Variants in TPCN1 observed in about 807,000 individuals in gnomAD.
The protein encoded by TPCN1 is two pore segment channel 1.
TPCN1 carries 52 observed loss-of-function variants against 108.8 expected under a neutral mutation model. That is an observed-to-expected ratio of 0.48 (90% CI 0.38 to 0.60). The LOEUF is 0.60. TPCN1 is among the 20% of genes least tolerant of loss of function. The pLI, the probability that TPCN1 is intolerant of heterozygous loss-of-function variation, is 0.00. For synonymous variants in TPCN1, 446 were observed against 433.7 expected (o/e 1.03, Z -0.35); for missense variants, 806 against 1,072.8 (o/e 0.75, Z 3.47).
chr12:113,274,939 C>T (rs569254192), intron 10 of TPCN1, among the ~76,000 whole-genome samples: 1 of 152,306 alleles, frequency 6.6e-6, no homozygotes, highest in Non-Finnish European at 1.5e-5. Context: ...GTATAGAACA[C>T]GTTCTGTGAA....
intron 14 of TPCN1, 146 bp downstream of exon 14, chr12:113,278,981 T>G (rs2136682614): frequency 1.3e-6 from 1 of 752,044 alleles, no homozygotes; most frequent in African/African-American, 1.7e-5. Flanking sequence ...GACAGTGTGA[T>G]TACCCCAGCA....
intron 1 of TPCN1, among the ~76,000 whole-genome samples, chr12:113,223,597 G>A (rs1953353933): frequency 6.6e-6 from 1 of 152,198 alleles, no homozygotes; most frequent in African/African-American, 2.4e-5. Context: ...AGGCTGGAGT[G>A]TAGTGGCGTG....
chr12:113,291,045 G>T, intron 23 of TPCN1, 47 bp downstream of exon 23: 1 of 1,586,710 alleles, frequency 6.3e-7, no homozygotes, highest in Non-Finnish European at 8.6e-7. Context: ...CAGCCCTGGG[G>T]TCGGCCCTGG....
chr12:113,248,171 G>A (rs570161130), intron 2 of TPCN1, among the ~76,000 whole-genome samples: 1 of 152,172 alleles, frequency 6.6e-6, no homozygotes, highest in Non-Finnish European at 1.5e-5. Flanking sequence ...CCTCTTGCCC[G>A]AGGCCTGCCA....
chr12:113,289,968 GA>G lies in TPCN1; in HGVS notation c.1797-159del. ...TAGCCAAGGGCATTCCTTCAGCAGG[GA>G]CCCAGGCATGAGGTGGAGAGGGTTA... On this transcript the variant is annotated intron_variant, in intron 21 of 27. Coordinates refer to ENST00000335509, the MANE Select transcript of TPCN1 (RefSeq NM_017901.6). The surrounding 1 kb of genome is among the most constrained non-coding windows in gnomAD (Gnocchi z 4.1). The G allele has an allele frequency of 1.7e-6, 1 of 571,736 alleles. No individual in the cohort carries two copies. Among genetic ancestry groups the G allele is most frequent in the Non-Finnish European group, 3.1e-6 (1 of 321,976 alleles). 35.4% of individuals were successfully genotyped at this position (571,736 alleles called of 1,614,324 possible). A position where few individuals can be genotyped will look rare whatever the true frequency, so the allele number is the denominator to read the frequency against.
chr12:113,233,813 G>T (rs946424935), intron 2 of TPCN1, among the ~76,000 whole-genome samples: 8 of 152,184 alleles, frequency 5.3e-5, no homozygotes, highest in African/African-American at 1.9e-4. Context: ...TCAAAGAAGA[G>T]GAAACGGAGG....
intron 7 of TPCN1, among the ~76,000 whole-genome samples, chr12:113,270,100 G>A (rs905942847): frequency 2.0e-5 from 3 of 152,084 alleles, no homozygotes; most frequent in African/African-American, 7.2e-5. Context: ...GGAGGCTGAG[G>A]CAGGAGAATT....
At position 113,276,992 on chromosome 12, in the gene TPCN1, G is replaced by A. The variant is rs1290137318; in HGVS notation, c.1016G>A (p.Arg339Gln). ...TTCAAGTCTTTGCTACTGCACAAGCGAACCGCTATCCAGCATGCCTACCGC... is the reference window on the plus strand; with the variant it reads ...TTCAAGTCTTTGCTACTGCACAAGCAAACCGCTATCCAGCATGCCTACCGC... ...RKFKSLLLHK[R>Q]TAIQHAYRLL... The change falls in exon 11 of 28, where the codon CGA (arginine) becomes CAA (glutamine). Residue 339 changes from arginine to glutamine, a missense_variant. Coordinates refer to ENST00000335509, the MANE Select transcript of TPCN1 (RefSeq NM_017901.6). 1.9e-6 allele frequency: 3 copies of A among 1,613,920 alleles called. No individual in the cohort carries two copies. Among genetic ancestry groups the A allele is most frequent in the East Asian group, 4.5e-5 (2 of 44,884 alleles).
intron 2 of TPCN1, among the ~76,000 whole-genome samples, chr12:113,258,129 T>C (rs747537054): frequency 2.4e-4 from 37 of 152,198 alleles, no homozygotes; most frequent in Non-Finnish European, 4.1e-4. Flanking sequence ...TCTTAAAATA[T>C]ATACTGTTTA....
rs1194106451 is a variant in TPCN1, at chr12:113,280,164, T to C, written c.1311T>C (p.Leu437=). The change falls in exon 15 of 28, where the codon CTT becomes CTC. Residue 437 remains leucine, a synonymous_variant. Transcript: ENST00000335509. ...TTCTTCAAATAGGTATTAATATCCTTGTGAAGTCCAAGGCCTTCCAGTATT... is the reference window on the plus strand; with the variant it reads ...TTCTTCAAATAGGTATTAATATCCTCGTGAAGTCCAAGGCCTTCCAGTATT... ...ALLIFKGINI[L]VKSKAFQYFM... is the part of the protein sequence containing the mutation. 2 of 1,608,616 alleles carry C rather than the reference T, an allele frequency of 1.2e-6. No homozygotes were observed. Among genetic ancestry groups the C allele is most frequent in the Admixed American group, 3.3e-5 (2 of 59,974 alleles).
intron 12 of TPCN1, 149 bp downstream of exon 12, chr12:113,277,513 C>A: frequency 1.1e-6 from 1 of 951,354 alleles, no homozygotes; most frequent in Non-Finnish European, 1.5e-6. Context: ...TAGACTTACA[C>A]ACTGGATTCA....
chr12:113,267,093 G>A (rs528600535), intron 4 of TPCN1, among the ~76,000 whole-genome samples: 2 of 152,158 alleles, frequency 1.3e-5, no homozygotes, highest in South Asian at 4.2e-4. Flanking sequence ...ATGTCCACAG[G>A]CCCTGGACCT....
intron 3 of TPCN1, 97 bp downstream of exon 3, chr12:113,260,589 A>G: frequency 1.4e-6 from 2 of 1,446,508 alleles, no homozygotes; most frequent in Non-Finnish European, 1.8e-6. Context: ...CAGTTCCAGC[A>G]TCAGTTCATG....
In TPCN1 at chr12:113,287,080, C is replaced by T. The variant is rs1236939779; in HGVS notation, c.1620C>T (p.Pro540=). 6.2e-7 allele frequency: 1 copy of T among 1,613,516 alleles called. No homozygotes were observed. ...EPFYFIVVLR[P]LQLLRLFKLK... is the part of the protein sequence containing the mutation. Reference sequence around the variant, plus strand: ...TCTATTTCATCGTGGTCCTGCGCCCCCTCCAGCTGCTGAGGTGATGGGCAG... The same window carrying T: ...TCTATTTCATCGTGGTCCTGCGCCCTCTCCAGCTGCTGAGGTGATGGGCAG... Residue 540 remains proline, a synonymous_variant, in exon 19 of 28, where the codon CCC becomes CCT. Transcript: ENST00000335509.
Position 113,292,996 on chromosome 12 carries a change from C to T in TPCN1, c.2176C>T (p.Leu726Phe), listed in dbSNP as rs1956316690. The T allele has an allele frequency of 1.2e-6, 2 of 1,613,402 alleles. No homozygotes were observed. The highest frequency in any genetic ancestry group is 1.7e-6 in the Non-Finnish European group (2 of 1,180,012). The change falls in exon 26 of 28, where the codon CTC becomes TTC. Residue 726 changes from leucine (L) to phenylalanine (F), a missense_variant. Transcript: ENST00000335509. Reference sequence around the variant, plus strand: ...AGAAGAGCTGGTTGCCGTCCTGGAGCTCTACCGGGAGGCACGGGGGGCCTC... The same window carrying T: ...AGAAGAGCTGGTTGCCGTCCTGGAGTTCTACCGGGAGGCACGGGGGGCCTC... ...SKEELVAVLE[L>F]YREARGASSD...
chr12:113,278,389 C>T (rs1955746124), intron 13 of TPCN1, 152 bp downstream of exon 13: 2 of 691,392 alleles, frequency 2.9e-6, no homozygotes, highest in African/African-American at 3.6e-5. Context: ...TCACAGGTGG[C>T]CCCAGCCCCC....
At chr12:113,274,811 T>A (rs1445610372) in intron 10 of TPCN1, among the ~76,000 whole-genome samples, 2 of 152,094 alleles carry the variant, frequency 1.3e-5, no homozygotes, top group Non-Finnish European at 2.9e-5. Context: ...TAGCTTGGAG[T>A]GGCCAGGCCA....
At chr12:113,248,489 G>A (rs934555988) in intron 2 of TPCN1, among the ~76,000 whole-genome samples, 12 of 152,224 alleles carry the variant, frequency 7.9e-5, no homozygotes, top group Non-Finnish European at 1.8e-4. Context: ...TTGAGGGGAC[G>A]GAGTGATGTG....
At chr12:113,248,384 C>A (rs1019161838) in intron 2 of TPCN1, among the ~76,000 whole-genome samples, 4 of 152,258 alleles carry the variant, frequency 2.6e-5, no homozygotes, top group Admixed American at 6.5e-5. Context: ...AAGTCCCTGC[C>A]CTCTTGGAGC....
Sources: gnomAD v4.1 joint callset for allele counts (sites outside exome capture counted in the v4.1 genomes callset) on GRCh38, gnomAD v4.1.1 for gene constraint, Gnocchi (gnomAD v3.1) non-coding constraint, MANE v1.5 for transcripts, NCBI Gene and HGNC (gene_info 2026-07-23, HGNC 2026-07-21) for gene names.